Variants in ADRA1D observed in about 807,000 individuals in gnomAD.
ADRA1D encodes adrenoceptor alpha 1D.
A neutral mutation model predicts 18.6 loss-of-function variants in ADRA1D; 22 were observed. The ratio of observed to expected loss-of-function variants is 1.19; its 90% CI spans 0.85 to 1.69. ADRA1D has a LOEUF of 1.69. Among genes scored for constraint, ADRA1D ranks in the 40% most tolerant of loss-of-function variants. The pLI is 0.00. For synonymous variants in ADRA1D, 376 were observed against 388.2 expected, an observed-to-expected ratio of 0.97 and a Z score of 0.37; for missense variants, 840 against 840.7, an observed-to-expected ratio of 1.00 and a Z score of 0.01.
In ADRA1D at chr20:4,248,994, A is replaced by G. The variant is rs1264879114; in HGVS notation, c.-37T>C. The G allele has an allele frequency of 1.6e-6, 2 of 1,276,938 alleles. No individual in the cohort carries two copies. Among genetic ancestry groups the G allele is most frequent in the South Asian group, 3.2e-5 (2 of 63,136 alleles). 79.1% of individuals were successfully genotyped at this position (1,276,938 alleles called of 1,614,324 possible). Reference sequence around the variant, plus strand: ...GCCGTCGGTGGCCGGGCCGGGGCACAGAACGAGCGGCCGGCAGGGAGGGGA... The same window carrying G: ...GCCGTCGGTGGCCGGGCCGGGGCACGGAACGAGCGGCCGGCAGGGAGGGGA... On this transcript the variant is annotated 5_prime_UTR_variant, in exon 1 of 2. Transcript: ENST00000379453.
Position 4,249,232 on chromosome 20 carries a change from G to A in ADRA1D, c.-275C>T, listed in dbSNP as rs1981449106. The stretch of plus-strand genomic sequence containing the variant: ...CGCTCTGAGCGTGCCCGGCAAGCGG[G>A]CAAAGCGGCGGCTCCGGGGCCGGGC... On this transcript the variant is annotated 5_prime_UTR_variant, in exon 1 of 2. Transcript: ENST00000379453. Among the ~76,000 whole-genome samples, 1 of 152,022 alleles carries A rather than the reference G, an allele frequency of 6.6e-6. No homozygotes were observed. The highest frequency in any genetic ancestry group is 6.5e-5 in the Admixed American group (1 of 15,286).
intron 1 of ADRA1D, among the ~76,000 whole-genome samples, chr20:4,234,841 G>A (rs1408662776): frequency 6.6e-6 from 1 of 152,254 alleles, no homozygotes; most frequent in Admixed American, 6.5e-5. Flanking sequence ...GCAGAGGGAA[G>A]AGCATGTGCA....
At chr20:4,223,500 A>ATTTT (rs935548776) in intron 1 of ADRA1D, among the ~76,000 whole-genome samples, 35 of 152,316 alleles carry the variant, frequency 2.3e-4, no homozygotes, top group African/African-American at 8.4e-4. Flanking sequence ...ACGAGGAGGC[A>ATTTT]TTACACATGG....
intron 1 of ADRA1D, among the ~76,000 whole-genome samples, chr20:4,244,603 C>A (rs546064534): frequency 6.6e-6 from 1 of 152,318 alleles, no homozygotes; most frequent in Admixed American, 6.5e-5. Context: ...CCCTGGGGGT[C>A]CACATTCCCC....
At chr20:4,225,428 CTT>C (rs11474446) in intron 1 of ADRA1D, among the ~76,000 whole-genome samples, 7 of 119,500 alleles carry the variant, frequency 5.9e-5, no homozygotes, top group East Asian at 2.4e-4. Flanking sequence ...TTTTTTCTTT[CTT>C]TTTTTTTTTT....
At chr20:4,240,777 GA>G (rs1226753379) in intron 1 of ADRA1D, among the ~76,000 whole-genome samples, 1 of 152,144 alleles carries the variant, frequency 6.6e-6, no homozygotes, top group Non-Finnish European at 1.5e-5. Context: ...CTGGGAGACA[GA>G]GAGACTCCAT....
At chr20:4,234,219 G>C (rs543680763) in intron 1 of ADRA1D, among the ~76,000 whole-genome samples, 4 of 152,352 alleles carry the variant, frequency 2.6e-5, no homozygotes, top group African/African-American at 9.6e-5. Flanking sequence ...GAGCTGCTGG[G>C]ACGCTGCTAA....
rs1293970851 is a variant in ADRA1D at position 4,221,078 on chromosome 20, A to C, written c.*445T>G. The stretch of plus-strand genomic sequence containing the variant: ...GGCAGTAAGAAGGAGAAATTTGTCC[A>C]CTGAGGAGCCCTGGTCCCACTGACT... On this transcript the variant is annotated 3_prime_UTR_variant, in exon 2 of 2. Coordinates refer to ENST00000379453, the MANE Select transcript of ADRA1D (RefSeq NM_000678.4). 6.5e-6 allele frequency: 1 copy of C among 154,722 alleles called. No homozygotes were observed. Among genetic ancestry groups the C allele is most frequent in the Admixed American group, 6.5e-5 (1 of 15,354 alleles). The allele number at this position is 154,722 out of a possible 1,614,324, so 9.6% of individuals were successfully genotyped here.
chr20:4,243,812 C>T (rs1433997455), intron 1 of ADRA1D, among the ~76,000 whole-genome samples: 1 of 152,172 alleles, frequency 6.6e-6, no homozygotes, highest in Non-Finnish European at 1.5e-5. Flanking sequence ...GGGGCACTTG[C>T]GGTCTAATGA....
intron 1 of ADRA1D, among the ~76,000 whole-genome samples, chr20:4,240,981 A>G (rs13040792): frequency 0.21 from 32,684 of 152,024 alleles, 4,108 homozygotes; most frequent in Non-Finnish European, 0.27. Context: ...AAAAAACCCA[A>G]CCCTAGCTCA....
intron 1 of ADRA1D, among the ~76,000 whole-genome samples, chr20:4,235,864 C>T (rs932059848): frequency 2.4e-4 from 36 of 152,340 alleles, no homozygotes; most frequent in Admixed American, 1.7e-3. Flanking sequence ...GGCCTGGGCT[C>T]AGGCGGGGGC....
Position 4,239,061 on chromosome 20 carries a change from G to A in ADRA1D, c.1111+8786C>T, listed in dbSNP as rs1405250672. Among the ~76,000 whole-genome samples, 1 of 152,044 alleles carries A rather than the reference G, an allele frequency of 6.6e-6. No homozygotes were observed. The highest frequency in any genetic ancestry group is 2.4e-5 in the African/African-American group (1 of 41,404). On this transcript the variant is annotated intron_variant, in intron 1 of 1. Coordinates refer to ENST00000379453, the MANE Select transcript of ADRA1D (RefSeq NM_000678.4). This position sits in a 1 kb window ranked among gnomAD's most constrained non-coding sequence, Gnocchi z 4.9. ...GACTCAGGAGGAAGAGCTTCACTGA[G>A]GATTCTGGGGGAGGGAGAGTAAAAT...
chr20:4,234,537 C>T (rs1981045153), intron 1 of ADRA1D, among the ~76,000 whole-genome samples: 1 of 152,200 alleles, frequency 6.6e-6, no homozygotes, highest in South Asian at 2.1e-4. Context: ...AATACCCCAT[C>T]CTTCTAGATA....
intron 1 of ADRA1D, among the ~76,000 whole-genome samples, chr20:4,237,506 C>G (rs1981121120): frequency 6.6e-6 from 1 of 151,026 alleles, no homozygotes; most frequent in Admixed American, 6.6e-5. Context: ...ATGTGAGGAT[C>G]TGGCAGCCTC....
chr20:4,223,648 A>G (rs1390560625), intron 1 of ADRA1D, among the ~76,000 whole-genome samples: 1 of 152,208 alleles, frequency 6.6e-6, no homozygotes, highest in Non-Finnish European at 1.5e-5. Flanking sequence ...CAAAAGTGAT[A>G]CGCGTTCAGT....
chr20:4,248,808 C>T lies in ADRA1D; in HGVS notation c.150G>A (p.Ala50=). Residue 50 remains alanine, a synonymous_variant, in exon 1 of 2, where the codon GCG becomes GCA. Transcript: ENST00000379453. ...CGCCCACCACGCCGCCGCCGCCGCC[C>T]GCGCCCCCCGGCACGCCGCCCACCG... The part of the protein sequence containing the change: ...GPAVGGVPGG[A]GGGGGVVGAG... The T allele has an allele frequency of 9.1e-7, 1 of 1,099,422 alleles. No homozygotes were observed. Among genetic ancestry groups the T allele is most frequent in the Non-Finnish European group, 1.1e-6 (1 of 905,212 alleles). 68.1% of individuals were successfully genotyped at this position (1,099,422 alleles called of 1,614,324 possible).
At position 4,222,037 on chromosome 20, in the gene ADRA1D, T is replaced by C; in HGVS notation, c.1205A>G (p.Tyr402Cys). The C allele has an allele frequency of 1.9e-6, 3 of 1,605,424 alleles. No homozygotes were observed. The highest frequency in any genetic ancestry group is 2.5e-6 in the Non-Finnish European group (3 of 1,176,618). The change falls in exon 2 of 2, where the codon TAC becomes TGC. Residue 402 changes from tyrosine to cysteine, a missense_variant. Transcript: ENST00000379453. This position sits in a 1 kb window ranked among gnomAD's most constrained non-coding sequence, Gnocchi z 4.3. Reference protein sequence around the residue: ...YFNSCVNPLIYPCSSREFKRA... With the variant: ...YFNSCVNPLICPCSSREFKRA... ...CTTGAACTCGCGGCTGGAACAGGGGTAGATGAGCGGGTTCACGCAGCTGTT... is the reference window on the plus strand; with the variant it reads ...CTTGAACTCGCGGCTGGAACAGGGGCAGATGAGCGGGTTCACGCAGCTGTT...
chr20:4,249,276 T>C lies in ADRA1D; in HGVS notation c.-319A>G, dbSNP rs1981450388. On this transcript the variant is annotated 5_prime_UTR_variant, in exon 1 of 2. Transcript: ENST00000379453. ...GCCGGGCGGTGCAGGCAGCGGCCAC[T>C]GCGGCGCTCCCAACTCGGCGCGGGG... 1.3e-5 allele frequency among the ~76,000 whole-genome samples: 2 copies of C among 151,900 alleles called. No individual in the cohort carries two copies. The highest frequency in any genetic ancestry group is 6.5e-5 in the Admixed American group (1 of 15,272).
intron 1 of ADRA1D, among the ~76,000 whole-genome samples, chr20:4,247,035 G>A (rs1981351084): frequency 1.3e-5 from 2 of 152,134 alleles, no homozygotes; most frequent in Admixed American, 1.3e-4. Flanking sequence ...ACTACTCCTT[G>A]CACTGGTCCA....
Sources: allele counts gnomAD v4.1 joint callset (sites outside exome capture counted in the v4.1 genomes callset), GRCh38; gene constraint gnomAD v4.1.1; non-coding constraint Gnocchi (gnomAD v3.1); transcripts MANE v1.5; gene names NCBI Gene and HGNC (gene_info 2026-07-23, HGNC 2026-07-21).